The following EFCAB14 variants were observed in gnomAD, a reference collection of about 807,000 sequenced individuals.
EFCAB14 encodes EF-hand calcium binding domain 14.
A neutral mutation model predicts 56.5 loss-of-function variants in EFCAB14; 43 were observed. The ratio of observed to expected loss-of-function variants is 0.76; its 90% CI spans 0.60 to 0.98. EFCAB14 has a LOEUF of 0.98. EFCAB14 is among the 50% of genes least tolerant of loss of function. The pLI is 0.00. For synonymous variants in EFCAB14, 235 were observed against 212.9 expected (o/e 1.10, Z -0.90); for missense variants, 538 against 580.3 (o/e 0.93, Z 0.75).
In EFCAB14 at chr1:46,718,902, A is replaced by C. The variant is rs1230434871; in HGVS notation, c.-815T>G. The C allele has an allele frequency of 2.0e-5, 3 of 152,444 alleles. No homozygotes were observed. The highest frequency in any genetic ancestry group is 4.4e-5 in the Non-Finnish European group (3 of 68,204). The allele number at this position is 152,444 out of a possible 1,614,324, so 9.4% of individuals were successfully genotyped here. A position where few individuals can be genotyped will look rare whatever the true frequency, so the allele number is the denominator to read the frequency against. ...CGGGCGACGGCGGCTCGGCCGACCG[A>C]AAGCGCTCCCGCCCGGAGTTTGAGG... On this transcript the variant is annotated 5_prime_UTR_variant, in exon 1 of 11. Coordinates refer to ENST00000371933, the MANE Select transcript of EFCAB14 (RefSeq NM_014774.3).
At position 46,682,527 on chromosome 1, in the gene EFCAB14, AACTTTT is replaced by A. The variant is rs1342616547; in HGVS notation, c.1312+767_1312+772del. 5.3e-5 allele frequency among the ~76,000 whole-genome samples: 8 copies of A among 152,328 alleles called. No homozygotes were observed. The Middle Eastern group carries it at 0.01, about 194-fold the overall frequency. ...TTGGAGGGCCCTGACAAACAGGGTC[AACTTTT>A]ACTTTATTTTACTAATCTCATGGTA... On this transcript the variant is annotated intron_variant, in intron 10 of 10. Transcript: ENST00000371933.
At chr1:46,690,618 G>A (rs1676976032) in intron 5 of EFCAB14, among the ~76,000 whole-genome samples, 1 of 152,116 alleles carries the variant, frequency 6.6e-6, no homozygotes, top group African/African-American at 2.4e-5. Context: ...TTACTTGAGA[G>A]CATAATCAAG....
At chr1:46,694,746 A>G (rs1300936047) in intron 4 of EFCAB14, among the ~76,000 whole-genome samples, 2 of 152,230 alleles carry the variant, frequency 1.3e-5, no homozygotes, top group Non-Finnish European at 2.9e-5. Context: ...CCAAAGGATT[A>G]TAAATCATGT....
chr1:46,708,800 T>C (rs945499061), intron 2 of EFCAB14, among the ~76,000 whole-genome samples: 1 of 152,166 alleles, frequency 6.6e-6, no homozygotes, highest in Non-Finnish European at 1.5e-5. Context: ...TGGGAAACAA[T>C]AGCTCCTGAA....
chr1:46,692,017 G>T (rs1042829286), intron 4 of EFCAB14, 80 bp from the exon 5 acceptor site: 2 of 1,002,960 alleles, frequency 2.0e-6, no homozygotes, highest in Non-Finnish European at 2.9e-6. Context: ...ATTCAAAAAT[G>T]TATAATTTGA....
chr1:46,708,971 C>T (rs577279856), intron 2 of EFCAB14, among the ~76,000 whole-genome samples: 45 of 150,066 alleles, frequency 3.0e-4, no homozygotes, highest in East Asian at 1.4e-3. Context: ...AGCCACAGAC[C>T]GCCTTAGTTA....
Position 46,718,396 on chromosome 1 carries a change from A to C in EFCAB14, c.-309T>G. ...GGTGGAGAGGGACCTTTATCTCCCA[A>C]AGGGCGAAAAAAAAGCCAGGTCAAA... On this transcript the variant is annotated 5_prime_UTR_variant, in exon 1 of 11. Transcript: ENST00000371933. The C allele has an allele frequency of 4.6e-6, 1 of 216,550 alleles. No homozygotes were observed. Among genetic ancestry groups the C allele is most frequent in the Non-Finnish European group, 9.2e-6 (1 of 109,244 alleles). The allele number at this position is 216,550 out of a possible 1,614,324, so 13.4% of individuals were successfully genotyped here.
intron 5 of EFCAB14, among the ~76,000 whole-genome samples, chr1:46,690,883 T>G (rs1676979943): frequency 1.3e-5 from 2 of 151,462 alleles, no homozygotes; most frequent in South Asian, 2.1e-4. Flanking sequence ...CTTGAAATTC[T>G]GAAGCTTGCA....
rs1234718981 is a variant in EFCAB14, at chr1:46,677,809, T to A, written c.*652A>T. The A allele has an allele frequency of 1.3e-5, 2 of 152,422 alleles. No homozygotes were observed. The highest frequency in any genetic ancestry group is 2.9e-5 in the Non-Finnish European group (2 of 68,038). The allele number at this position is 152,422 out of a possible 1,614,324, so 9.4% of individuals were successfully genotyped here. On this transcript the variant is annotated 3_prime_UTR_variant, in exon 11 of 11. Coordinates refer to ENST00000371933, the MANE Select transcript of EFCAB14 (RefSeq NM_014774.3). ...AGTCAGTATTGTCTCCAGTGTCTAC[T>A]CCCTGAAATCGGTTCCTCCAGCTAC...
At chr1:46,690,914 G>A (rs1278702553) in intron 5 of EFCAB14, among the ~76,000 whole-genome samples, 2 of 152,076 alleles carry the variant, frequency 1.3e-5, no homozygotes, top group Non-Finnish European at 2.9e-5. Context: ...GGGGGTGGGA[G>A]GGCAGATCCA....
rs750353280 is a variant in EFCAB14, at chr1:46,719,052, G to T, written c.-965C>A. 600 of 158,838 alleles carry T rather than the reference G, an allele frequency of 3.8e-3. 6 individuals carry two copies. The highest frequency in any genetic ancestry group is 3.2e-3 in the Non-Finnish European group (236 of 72,934). The allele number at this position is 158,838 out of a possible 1,614,324, so 9.8% of individuals were successfully genotyped here. On this transcript the variant is annotated 5_prime_UTR_variant, in exon 1 of 11. Coordinates refer to ENST00000371933, the MANE Select transcript of EFCAB14 (RefSeq NM_014774.3). This position sits in a 1 kb window ranked among gnomAD's most constrained non-coding sequence, Gnocchi z 4.0. ...CGTTGTTGTTGGCGTTGGTGGCGGCGGCTGCGGCGGCGGCGGCCGCGAGCT... is the reference window on the plus strand; with the variant it reads ...CGTTGTTGTTGGCGTTGGTGGCGGCTGCTGCGGCGGCGGCGGCCGCGAGCT...
chr1:46,694,870 G>C (rs1677055721), intron 4 of EFCAB14, among the ~76,000 whole-genome samples: 1 of 152,100 alleles, frequency 6.6e-6, no homozygotes, highest in Non-Finnish European at 1.5e-5. Context: ...AAACATGGCA[G>C]ATATACACCA....
At chr1:46,696,453 C>T (rs1677078523) in intron 4 of EFCAB14, 98 bp downstream of exon 4, 3 of 1,137,972 alleles carry the variant, frequency 2.6e-6, no homozygotes, top group Non-Finnish European at 3.9e-6. Context: ...AAATGCTAGG[C>T]TTTCAATGAA....
intron 4 of EFCAB14, among the ~76,000 whole-genome samples, chr1:46,695,015 G>C (rs983501249): frequency 6.7e-6 from 1 of 149,218 alleles, no homozygotes; most frequent in Non-Finnish European, 1.5e-5. Flanking sequence ...ACTCATAGGT[G>C]GGAATTGAAC....
intron 3 of EFCAB14, among the ~76,000 whole-genome samples, chr1:46,701,708 T>C (rs551725556): frequency 3.7e-4 from 57 of 152,348 alleles, no homozygotes; most frequent in Middle Eastern, 3.4e-3. Flanking sequence ...GCAAACACTC[T>C]ATGCCTAGTG....
intron 3 of EFCAB14, among the ~76,000 whole-genome samples, chr1:46,696,948 A>G (rs755129374): frequency 6.6e-6 from 1 of 152,210 alleles, no homozygotes; most frequent in Non-Finnish European, 1.5e-5. Context: ...AAATTACTCA[A>G]AAGATGCTGT....
chr1:46,700,751 A>G (rs1052992492), intron 3 of EFCAB14, among the ~76,000 whole-genome samples: 9 of 152,244 alleles, frequency 5.9e-5, no homozygotes, highest in African/African-American at 2.2e-4. Flanking sequence ...AAATACTAGA[A>G]ACAATTTAAA....
chr1:46,689,664 C>CA lies in EFCAB14; in HGVS notation c.717dup (p.Gly240TrpfsTer16), dbSNP rs1338294993. On this transcript the variant is annotated frameshift_variant, in exon 6 of 11. Coordinates refer to ENST00000371933, the MANE Select transcript of EFCAB14 (RefSeq NM_014774.3). LOFTEE classifies it high-confidence loss of function. ...GGTGACGGAATGATCTGGTTGCTTC[C>CA]AGGAGTCTCCTTCAAGAAGTGCTGA... 6.2e-7 allele frequency: 1 copy of CA among 1,613,794 alleles called. No individual in the cohort carries two copies. The highest frequency in any genetic ancestry group is 2.2e-5 in the East Asian group (1 of 44,882).
rs1220507435 is a variant in EFCAB14 at position 46,688,611 on chromosome 1, C to T, written c.796-67G>A. On this transcript the variant is annotated intron_variant, in intron 6 of 10. Coordinates refer to ENST00000371933, the MANE Select transcript of EFCAB14 (RefSeq NM_014774.3). ...GTAAATTAGACAAGCAGGCCAGCAG[C>T]ACCGAACAACCATTACTATGTCAAG... 29 of 1,342,470 alleles carry T rather than the reference C, an allele frequency of 2.2e-5. No individual in the cohort carries two copies. The East Asian group carries it at 6.6e-4, about 31-fold the overall frequency. 83.2% of individuals were successfully genotyped at this position (1,342,470 alleles called of 1,614,324 possible). A position where few individuals can be genotyped will look rare whatever the true frequency, so the allele number is the denominator to read the frequency against.
Sources: allele counts gnomAD v4.1 joint callset (sites outside exome capture counted in the v4.1 genomes callset), GRCh38; gene constraint gnomAD v4.1.1; non-coding constraint Gnocchi (gnomAD v3.1); transcripts MANE v1.5; gene names NCBI Gene and HGNC (gene_info 2026-07-23, HGNC 2026-07-21).